Variants in CC2D2B observed in about 807,000 individuals in gnomAD.
CC2D2B encodes the protein protein CC2D2B.
CC2D2B carries 128 observed loss-of-function variants against 161.2 expected under a neutral mutation model. That is an observed-to-expected ratio of 0.79 (90% CI 0.69 to 0.92). CC2D2B has a LOEUF of 0.92. Among genes scored for constraint, CC2D2B ranks in the 40% least tolerant of loss-of-function variants. The pLI is 0.00. For missense variants in CC2D2B, 1,173 were observed against 1,375.1 expected, an observed-to-expected ratio of 0.85 and a Z score of 2.32; for synonymous variants, 391 against 449.8, an observed-to-expected ratio of 0.87 and a Z score of 1.65.
At chr10:95,964,267 A>G (rs919660810) in intron 12 of CC2D2B, among the ~76,000 whole-genome samples, 6 of 152,178 alleles carry the variant, frequency 3.9e-5, no homozygotes, top group African/African-American at 1.2e-4. Flanking sequence ...CCCTCAGAAG[A>G]AAATCTGGGT....
Position 95,966,189 on chromosome 10 carries a change from GAGCCTCTCATATCT to G in CC2D2B, c.1357_1370del (p.Leu453PhefsTer7). 2 of 1,155,994 alleles carry G rather than the reference GAGCCTCTCATATCT, an allele frequency of 1.7e-6. No individual in the cohort carries two copies. Among genetic ancestry groups the G allele is most frequent in the South Asian group, 8.8e-5 (2 of 22,836 alleles). The allele number at this position is 1,155,994 out of a possible 1,614,324, so 71.6% of individuals were successfully genotyped here. The stretch of plus-strand genomic sequence containing the variant: ...TCATATATTTATTTTTTGATTTCTA[GAGCCTCTCATATCT>G]AGCTTCAGACGAAACAGAAATTGAA... On this transcript the variant is annotated frameshift_variant and splice_region_variant, in exon 14 of 35. Coordinates refer to ENST00000646931, the MANE Select transcript of CC2D2B (RefSeq NM_001349008.3). LOFTEE classifies it high-confidence loss of function.
At chr10:96,006,429 T>C (rs2078752304) in intron 25 of CC2D2B, among the ~76,000 whole-genome samples, 3 of 151,458 alleles carry the variant, frequency 2.0e-5, no homozygotes, top group African/African-American at 7.3e-5. Flanking sequence ...CTTCTAATAC[T>C]GTATCTTCGC....
Position 95,938,776 on chromosome 10 carries a change from A to G in CC2D2B, c.673-21A>G, listed in dbSNP as rs1564600635. ...TTATTTAGCAAAATATTTAATTACT[A>G]TACTTAAATATTTTTGATAGGGAAA... On this transcript the variant is annotated intron_variant, in intron 8 of 34. Transcript: ENST00000646931. The G allele has an allele frequency of 1.1e-5, 8 of 705,852 alleles. No homozygotes were observed. The East Asian group carries it at 1.9e-4, about 17-fold the overall frequency. 43.7% of individuals were successfully genotyped at this position (705,852 alleles called of 1,614,324 possible). A position where few individuals can be genotyped will look rare whatever the true frequency, so the allele number is the denominator to read the frequency against.
At chr10:95,982,834 C>A (rs1244957171) in intron 18 of CC2D2B, among the ~76,000 whole-genome samples, 1 of 152,088 alleles carries the variant, frequency 6.6e-6, no homozygotes, top group African/African-American at 2.4e-5. Context: ...TACAGTGGTG[C>A]GATCTCGGGT....
At chr10:95,997,555 T>G (rs74402253) in intron 24 of CC2D2B, among the ~76,000 whole-genome samples, 1 of 152,002 alleles carries the variant, frequency 6.6e-6, no homozygotes, top group Non-Finnish European at 1.5e-5. Context: ...ACCCAGCTAA[T>G]TTATTTTTAT....
intron 7 of CC2D2B, 139 bp downstream of exon 7, chr10:95,938,328 C>T (rs1400923669): frequency 1.5e-6 from 1 of 652,284 alleles, no homozygotes; most frequent in Non-Finnish European, 2.6e-6. Context: ...TCATGACTTC[C>T]CTGAATTAAG....
chr10:96,004,216 AT>A lies in CC2D2B; in HGVS notation c.2919del (p.Phe973LeufsTer4). 1 of 1,529,758 alleles carries A rather than the reference AT, an allele frequency of 6.5e-7. No individual in the cohort carries two copies. The highest frequency in any genetic ancestry group is 8.9e-7 in the Non-Finnish European group (1 of 1,128,188). 94.8% of individuals were successfully genotyped at this position (1,529,758 alleles called of 1,614,324 possible). ...AATAAAAGATAACATATATATCAAC[AT>A]TTTTGATGAAATGATGACTGAAAAA... ...SKIKDNIYIN[I>X]FDEMMTEKHE... On this transcript the variant is annotated frameshift_variant, in exon 25 of 35. Transcript: ENST00000646931. LOFTEE classifies it high-confidence loss of function.
intron 11 of CC2D2B, among the ~76,000 whole-genome samples, chr10:95,958,507 T>A (rs7917732): frequency 0.16 from 24,732 of 150,968 alleles, 3,264 homozygotes; most frequent in African/African-American, 0.36. Context: ...ATAAATAAAT[T>A]AATTAATTAA....
intron 2 of CC2D2B, chr10:95,920,221 C>T (rs959171414): frequency 6.6e-6 from 1 of 152,094 alleles, no homozygotes; most frequent in African/African-American, 2.4e-5. Context: ...AAGATAGTAC[C>T]CTTTAAAAAG....
At chr10:95,964,153 A>G (rs1435865806) in intron 12 of CC2D2B, among the ~76,000 whole-genome samples, 6 of 152,206 alleles carry the variant, frequency 3.9e-5, no homozygotes, top group Non-Finnish European at 1.5e-5. Flanking sequence ...TAAGCAGGAA[A>G]TGCAACAACA....
At chr10:95,921,784 C>A (rs1405792551) in intron 2 of CC2D2B, among the ~76,000 whole-genome samples, 1 of 149,402 alleles carries the variant, frequency 6.7e-6, no homozygotes, top group Non-Finnish European at 1.5e-5. Context: ...ACATCACACG[C>A]CAGGGCCTGT....
Position 95,938,854 on chromosome 10 carries a change from C to G in CC2D2B, c.730C>G (p.Gln244Glu). Reference sequence around the variant, plus strand: ...AATGTCATTACCTACACCTATTAAACAGTCATGGAATTTCAGACTAAATGT... The same window carrying G: ...AATGTCATTACCTACACCTATTAAAGAGTCATGGAATTTCAGACTAAATGT... Reference protein sequence around the residue: ...EIMSLPTPIKQSWNFRLNVRK... With the variant: ...EIMSLPTPIKESWNFRLNVRK... Residue 244 changes from glutamine (Q) to glutamate (E), a missense_variant, in exon 9 of 35, where the codon CAG becomes GAG. Gln to Glu is a conservative substitution (Grantham distance 29). Transcript: ENST00000646931. 1 of 715,350 alleles carries G rather than the reference C, an allele frequency of 1.4e-6. No individual in the cohort carries two copies. The highest frequency in any genetic ancestry group is 1.5e-5 in the South Asian group (1 of 66,984). The allele number at this position is 715,350 out of a possible 1,614,324, so 44.3% of individuals were successfully genotyped here.
Position 96,029,241 on chromosome 10 carries a change from C to CATAT in CC2D2B, c.4125+1893_4125+1896dup, listed in dbSNP as rs56195141. Among the ~76,000 whole-genome samples, 211 of 67,112 alleles carry CATAT rather than the reference C, an allele frequency of 3.1e-3. 1 individual carries two copies. Among genetic ancestry groups the CATAT allele is most frequent in the Middle Eastern group, 0.01 (1 of 96 alleles). 44.0% of individuals were successfully genotyped at this position (67,112 alleles called of 152,430 possible). A position where few individuals can be genotyped will look rare whatever the true frequency, so the allele number is the denominator to read the frequency against. ...CATATCAAAATATCTTTTCATGTAC[C>CATAT]ATATATATATATATATATATATATA... On this transcript the variant is annotated intron_variant, in intron 34 of 34. Transcript: ENST00000646931.
At position 95,931,302 on chromosome 10, in the gene CC2D2B, G is replaced by T. The variant is rs527537451; in HGVS notation, c.336+3970G>T. 2.2e-4 allele frequency among the ~76,000 whole-genome samples: 34 copies of T among 151,664 alleles called. No individual in the cohort carries two copies. In the South Asian group the frequency reaches 2.9e-3, roughly 13 times the overall value. On this transcript the variant is annotated intron_variant, in intron 6 of 34. Transcript: ENST00000646931. The stretch of plus-strand genomic sequence containing the variant: ...TTCTTCTTTATTAGTCTGGCTAGTG[G>T]TCTATTTTGTTAATCTTTTCAAAAA...
chr10:96,009,743 C>T, intron 25 of CC2D2B, 82 bp from the exon 26 acceptor site: 2 of 522,380 alleles, frequency 3.8e-6, no homozygotes, highest in Non-Finnish European at 6.4e-6. Context: ...AAGAGAATGA[C>T]TTTTTATATT....
At chr10:96,030,717 C>T (rs930160294) in intron 34 of CC2D2B, among the ~76,000 whole-genome samples, 1 of 152,136 alleles carries the variant, frequency 6.6e-6, no homozygotes, top group African/African-American at 2.4e-5. Flanking sequence ...GCTGTTTCCT[C>T]ATATGGTAAA....
intron 7 of CC2D2B, 45 bp downstream of exon 7, chr10:95,938,234 T>C (rs1000939894): frequency 1.1e-5 from 13 of 1,215,770 alleles, no homozygotes; most frequent in Non-Finnish European, 1.4e-5. Flanking sequence ...TAACGAATTA[T>C]GTTATGGGAT....
chr10:95,924,698 G>T, intron 4 of CC2D2B, 81 bp from the exon 5 acceptor site: 1 of 882,812 alleles, frequency 1.1e-6, no homozygotes. Context: ...GCAAAGTATT[G>T]ATATTTATAA....
intron 30 of CC2D2B, among the ~76,000 whole-genome samples, chr10:96,018,037 C>G (rs1332192014): frequency 2.0e-5 from 3 of 152,168 alleles, no homozygotes; most frequent in Non-Finnish European, 4.4e-5. Flanking sequence ...GGAGTAATGC[C>G]ACTCACAGGC....
Sources: allele counts gnomAD v4.1 joint callset (sites outside exome capture counted in the v4.1 genomes callset), GRCh38; gene constraint gnomAD v4.1.1; transcripts MANE v1.5; gene names NCBI Gene and HGNC (gene_info 2026-07-23, HGNC 2026-07-21).